Variants in HMCN1 observed in about 807,000 individuals in gnomAD.
HMCN1 encodes hemicentin-1.
Under a neutral mutation model 625.9 loss-of-function variants are expected in HMCN1, and 321 were observed. The observed-to-expected ratio is 0.51, with a 90% confidence interval of 0.47 to 0.56. HMCN1 has a LOEUF of 0.56. HMCN1 is among the 20% of genes least tolerant of loss of function. HMCN1 has a pLI of 0.00. For synonymous variants in HMCN1, 2,425 were observed against 2,417.6 expected (o/e 1.00, Z -0.09); for missense variants, 6,588 against 6,887.3 (o/e 0.96, Z 1.54).
At chr1:185,971,302 A>G (rs890572694) in intron 15 of HMCN1, among the ~76,000 whole-genome samples, 1 of 152,226 alleles carries the variant, frequency 6.6e-6, no homozygotes, top group African/African-American at 2.4e-5. Flanking sequence ...GTATGAAATA[A>G]AGTACTACAA....
At chr1:186,017,176 T>C (rs537741100) in intron 33 of HMCN1, 105 bp downstream of exon 33, 5 of 741,922 alleles carry the variant, frequency 6.7e-6, no homozygotes, top group African/African-American at 5.2e-5. Context: ...TTGTATGAAA[T>C]TGTATTCTTT....
intron 21 of HMCN1, 99 bp from the exon 22 acceptor site, chr1:185,990,176 A>C: frequency 1.9e-6 from 2 of 1,042,388 alleles, no homozygotes; most frequent in Non-Finnish European, 3.0e-6. Flanking sequence ...TCTTTTTATA[A>C]ATTACTTAAG....
At chr1:186,102,160 C>T (rs1437662953) in intron 68 of HMCN1, among the ~76,000 whole-genome samples, 2 of 151,960 alleles carry the variant, frequency 1.3e-5, no homozygotes, top group African/African-American at 4.8e-5. Flanking sequence ...CAACATGGAG[C>T]CATTAAAATC....
intron 1 of HMCN1, among the ~76,000 whole-genome samples, chr1:185,750,842 C>T (rs1005405822): frequency 6.6e-6 from 1 of 151,196 alleles, no homozygotes; most frequent in Non-Finnish European, 1.5e-5. Flanking sequence ...ATTTTCCCCC[C>T]CTCCCTCCTA....
intron 11 of HMCN1, among the ~76,000 whole-genome samples, chr1:185,942,111 C>T (rs1192878459): frequency 1.3e-5 from 2 of 150,320 alleles, no homozygotes; most frequent in Non-Finnish European, 3.0e-5. Flanking sequence ...GAATCACTTA[C>T]ACCCGGGAGG....
chr1:186,052,677 A>G (rs180834596), intron 42 of HMCN1, among the ~76,000 whole-genome samples: 121 of 152,152 alleles, frequency 8.0e-4, no homozygotes, highest in African/African-American at 2.8e-3. Flanking sequence ...TCTAATAGCT[A>G]TATGAGGTAA....
rs1430555347 is a variant in HMCN1 at position 186,067,918 on chromosome 1, G to T, written c.7790G>T (p.Cys2597Phe). ...CTTAACAGCCCTACATCTTTGGTCT[G>T]TGAAGCTTATTCATATCCTCCAGCT... is the stretch of plus-strand genomic sequence containing the variant. ...VILNSPTSLV[C>F]EAYSYPPATI... Residue 2597 changes from cysteine (C) to phenylalanine (F), a missense_variant, in exon 50 of 107, where the codon TGT becomes TTT. Cys to Phe is a radical substitution (Grantham distance 205). Coordinates refer to ENST00000271588, the MANE Select transcript of HMCN1 (RefSeq NM_031935.3). 2.5e-6 allele frequency: 4 copies of T among 1,613,196 alleles called. No individual in the cohort carries two copies. Among genetic ancestry groups the T allele is most frequent in the Non-Finnish European group, 3.4e-6 (4 of 1,179,334 alleles).
At chr1:185,809,421 A>T (rs1446968191) in intron 1 of HMCN1, among the ~76,000 whole-genome samples, 2 of 151,806 alleles carry the variant, frequency 1.3e-5, no homozygotes, top group Non-Finnish European at 2.9e-5. Context: ...ATCACTAGAC[A>T]TTCCTGGGCA....
chr1:185,797,698 G>T (rs2102216479), intron 1 of HMCN1, among the ~76,000 whole-genome samples: 1 of 128,432 alleles, frequency 7.8e-6, no homozygotes, highest in Middle Eastern at 3.6e-3. Context: ...CGGGCGCGGT[G>T]GCTCACGCCT....
chr1:185,895,072 A>T (rs1394404660), intron 4 of HMCN1, among the ~76,000 whole-genome samples: 1 of 149,004 alleles, frequency 6.7e-6, no homozygotes, highest in Non-Finnish European at 1.5e-5. Context: ...CATTTTGTTG[A>T]TTACTTCCTT....
At position 186,145,559 on chromosome 1, in the gene HMCN1, C is replaced by T. The variant is rs907419898; in HGVS notation, c.14423C>T (p.Thr4808Ile). The T allele has an allele frequency of 2.5e-6, 4 of 1,613,948 alleles. No individual in the cohort carries two copies. The highest frequency in any genetic ancestry group is 3.4e-6 in the Non-Finnish European group (4 of 1,179,974). Residue 4808 changes from threonine (T) to isoleucine (I), a missense_variant, in exon 92 of 107, where the codon ACT becomes ATT. Transcript: ENST00000271588. ...GACTCCCAGATCCAGAGGTGCAACACTGACATGTGTCCTGGTGAGCCTCTT... is the reference window on the plus strand; with the variant it reads ...GACTCCCAGATCCAGAGGTGCAACATTGACATGTGTCCTGGTGAGCCTCTT... ...GPDSQIQRCNTDMCPVDGSWG... is the reference protein window; with the variant it reads ...GPDSQIQRCNIDMCPVDGSWG...
chr1:185,993,052 G>A (rs1183176715), intron 22 of HMCN1, 130 bp from the exon 23 acceptor site: 3 of 805,788 alleles, frequency 3.7e-6, no homozygotes, highest in Non-Finnish European at 4.3e-6. Context: ...ATGTATAGAT[G>A]TACATTGCAG....
intron 52 of HMCN1, among the ~76,000 whole-genome samples, chr1:186,072,020 T>C (rs1363882669): frequency 2.0e-5 from 3 of 152,174 alleles, no homozygotes; most frequent in Non-Finnish European, 4.4e-5. Context: ...AAAATTTCAT[T>C]ATAAGTTGTT....
At chr1:185,929,241 C>T (rs1667424982) in intron 10 of HMCN1, among the ~76,000 whole-genome samples, 1 of 151,994 alleles carries the variant, frequency 6.6e-6, no homozygotes, top group African/African-American at 2.4e-5. Flanking sequence ...TGATTACATT[C>T]TAAGAACACA....
chr1:186,106,618 A>G (rs1040348712), intron 69 of HMCN1, among the ~76,000 whole-genome samples: 1 of 152,218 alleles, frequency 6.6e-6, no homozygotes, highest in African/African-American at 2.4e-5. Context: ...GGTCCTATAT[A>G]TATCTGCCTT....
In HMCN1 at chr1:186,086,328, T is replaced by C; in HGVS notation, c.8967T>C (p.Ser2989=). 1 of 1,613,306 alleles carries C rather than the reference T, an allele frequency of 6.2e-7. No homozygotes were observed. The highest frequency in any genetic ancestry group is 1.1e-5 in the South Asian group (1 of 91,070). ...NNFISLTCEV[S]GFPPPDLSWL... is the part of the protein sequence containing the mutation. ...TCATCTCTTTGACCTGTGAGGTCTC[T>C]GGTTTTCCACCTCCTGACCTCAGCT... Residue 2989 remains serine (S), a synonymous_variant, in exon 58 of 107, where the codon TCT becomes TCC. Coordinates refer to ENST00000271588, the MANE Select transcript of HMCN1 (RefSeq NM_031935.3).
At chr1:186,038,291 C>T (rs1655971283) in intron 37 of HMCN1, among the ~76,000 whole-genome samples, 1 of 152,104 alleles carries the variant, frequency 6.6e-6, no homozygotes, top group Non-Finnish European at 1.5e-5. Context: ...AATATTGTGG[C>T]CACAAGGCCC....
At chr1:186,108,329 T>C in intron 70 of HMCN1, 132 bp from the exon 71 acceptor site, 4 of 1,398,530 alleles carry the variant, frequency 2.9e-6, no homozygotes, top group Non-Finnish European at 2.9e-6. Flanking sequence ...CTGTTTGTAA[T>C]TATCTAGGCT....
chr1:185,783,382 C>T (rs1341820107), intron 1 of HMCN1, among the ~76,000 whole-genome samples: 1 of 152,272 alleles, frequency 6.6e-6, no homozygotes, highest in Non-Finnish European at 1.5e-5. Context: ...TGTTTTGTTG[C>T]TGGTGAGGAG....
Sources: allele counts gnomAD v4.1 joint callset (sites outside exome capture counted in the v4.1 genomes callset), GRCh38; gene constraint gnomAD v4.1.1; transcripts MANE v1.5; gene names NCBI Gene and HGNC (gene_info 2026-07-23, HGNC 2026-07-21).